LIPK: variants seen among roughly 807,000 people sequenced by gnomAD.
The protein encoded by LIPK is lipase member K.
A neutral mutation model predicts 48.6 loss-of-function variants in LIPK; 32 were observed. The observed-to-expected ratio is 0.66, with a 90% CI of 0.50 to 0.88. The LOEUF (loss-of-function observed/expected upper bound fraction) is 0.88, where lower values mean the gene tolerates loss of function less well. Ranked by LOEUF, LIPK falls within the 40% of genes least tolerant of loss-of-function variation. LIPK has a pLI of 0.00. For synonymous variants in LIPK, 164 were observed against 157.4 expected (o/e 1.04, Z -0.32); for missense variants, 507 against 478.5 (o/e 1.06, Z -0.56).
At chr10:88,750,862 G>A (rs979248936) in intron 9 of LIPK, among the ~76,000 whole-genome samples, 5 of 152,040 alleles carry the variant, frequency 3.3e-5, no homozygotes, top group Non-Finnish European at 5.9e-5. Context: ...TGGATTTAAA[G>A]TCTAGTCTTC....
chr10:88,747,523 A>G (rs1842786103), intron 9 of LIPK, among the ~76,000 whole-genome samples: 1 of 152,184 alleles, frequency 6.6e-6, no homozygotes, highest in African/African-American at 2.4e-5. Flanking sequence ...AAATCACAAG[A>G]TTATCTCAAT....
chr10:88,735,423 G>T (rs745630932), intron 6 of LIPK, among the ~76,000 whole-genome samples: 2 of 152,218 alleles, frequency 1.3e-5, no homozygotes, highest in African/African-American at 2.4e-5. Flanking sequence ...TAAGCAGCCT[G>T]TCCCGAGTCA....
chr10:88,727,013 C>A (rs1842357190), intron 3 of LIPK, 101 bp downstream of exon 3: 1 of 710,818 alleles, frequency 1.4e-6, no homozygotes, highest in East Asian at 2.7e-5. Flanking sequence ...TCTTAACAGT[C>A]CTTTCCATTA....
intron 9 of LIPK, among the ~76,000 whole-genome samples, chr10:88,750,475 A>C (rs1462112184): frequency 6.6e-6 from 1 of 152,186 alleles, no homozygotes; most frequent in Admixed American, 6.5e-5. Flanking sequence ...AGCTATTGAA[A>C]AGAATGAAAT....
chr10:88,708,999 G>A (rs1035024239), intron 1 of LIPK, among the ~76,000 whole-genome samples: 2 of 152,038 alleles, frequency 1.3e-5, no homozygotes, highest in African/African-American at 4.8e-5. Flanking sequence ...TTGTCCAAAG[G>A]ATCATAACAC....
At chr10:88,725,230 C>T (rs1842313137) in intron 2 of LIPK, among the ~76,000 whole-genome samples, 1 of 152,182 alleles carries the variant, frequency 6.6e-6, no homozygotes, top group African/African-American at 2.4e-5. Flanking sequence ...ATAAAAAGAA[C>T]GAAACTGCCA....
chr10:88,711,826 T>A (rs1464106856), intron 1 of LIPK, among the ~76,000 whole-genome samples: 3 of 152,056 alleles, frequency 2.0e-5, no homozygotes, highest in Non-Finnish European at 4.4e-5. Flanking sequence ...TTTAATAATT[T>A]TTTAATCTTT....
At chr10:88,722,774 C>T (rs879540481) in intron 1 of LIPK, among the ~76,000 whole-genome samples, 3 of 152,090 alleles carry the variant, frequency 2.0e-5, no homozygotes, top group African/African-American at 7.2e-5. Flanking sequence ...CCTCCATGAC[C>T]ATCTGTTTGA....
chr10:88,707,920 A>G (rs1240080754), intron 1 of LIPK, among the ~76,000 whole-genome samples: 1 of 152,200 alleles, frequency 6.6e-6, no homozygotes, highest in Non-Finnish European at 1.5e-5. Context: ...GGTTAAAAGT[A>G]TTAGAGCTTT....
chr10:88,732,543 G>A lies in LIPK; in HGVS notation c.661G>A (p.Val221Ile). The A allele has an allele frequency of 6.2e-7, 1 of 1,603,696 alleles. No individual in the cohort carries two copies. Among genetic ancestry groups the A allele is most frequent in the Non-Finnish European group, 8.5e-7 (1 of 1,177,314 alleles). ...AAAACTAACAACCCTTTCCAGGCGAGTAGTTAAGGTATGTGACTTCCCAAG... is the reference window on the plus strand; with the variant it reads ...AAAACTAACAACCCTTTCCAGGCGAATAGTTAAGGTATGTGACTTCCCAAG... Reference protein sequence around the residue: ...MKKLTTLSRRVVKVLFGDKMF... With the variant: ...MKKLTTLSRRIVKVLFGDKMF... Residue 221 changes from valine to isoleucine, a missense_variant, in exon 6 of 10, where the codon GTA (valine) becomes ATA (isoleucine). By Grantham distance (29) the Val-to-Ile change is conservative. Coordinates refer to ENST00000404190, the MANE Select transcript of LIPK (RefSeq NM_001080518.2).
intron 1 of LIPK, among the ~76,000 whole-genome samples, 142 bp downstream of exon 1, chr10:88,706,462 G>C (rs1354166515): frequency 6.6e-6 from 1 of 152,172 alleles, no homozygotes; most frequent in Non-Finnish European, 1.5e-5. Context: ...TACAGCAAGA[G>C]TATAATGTGA....
intron 8 of LIPK, among the ~76,000 whole-genome samples, chr10:88,741,928 A>G (rs1280979678): frequency 6.6e-6 from 1 of 152,198 alleles, no homozygotes; most frequent in Non-Finnish European, 1.5e-5. Context: ...ATTTATGAAG[A>G]CAAGTGTTTT....
intron 7 of LIPK, among the ~76,000 whole-genome samples, chr10:88,739,200 C>T (rs1023427902): frequency 6.6e-6 from 1 of 152,130 alleles, no homozygotes; most frequent in Non-Finnish European, 1.5e-5. Flanking sequence ...CACAAAATTT[C>T]AGAGTCCTGT....
intron 1 of LIPK, among the ~76,000 whole-genome samples, chr10:88,712,640 TC>T (rs1842046626): frequency 6.6e-6 from 1 of 152,200 alleles, no homozygotes; most frequent in Non-Finnish European, 1.5e-5. Flanking sequence ...CTGAGCCACT[TC>T]TCATTAACAC....
Position 88,731,064 on chromosome 10 carries a change from T to C in LIPK, c.305T>C (p.Leu102Ser). 6.2e-7 allele frequency: 1 copy of C among 1,603,852 alleles called. No individual in the cohort carries two copies. The highest frequency in any genetic ancestry group is 1.3e-5 in the African/African-American group (1 of 74,958). Reference sequence around the variant, plus strand: ...ATTTGCAACCTGCCCAACAACAGTTTGGCTTTCCTTCTGGCAGATAGTGGT... The same window carrying C: ...ATTTGCAACCTGCCCAACAACAGTTCGGCTTTCCTTCTGGCAGATAGTGGT... ...NWICNLPNNS[L>S]AFLLADSGYD... The change falls in exon 4 of 10, where the codon TTG (leucine) becomes TCG (serine). Residue 102 changes from leucine to serine, a missense_variant. Coordinates refer to ENST00000404190, the MANE Select transcript of LIPK (RefSeq NM_001080518.2).
At chr10:88,709,106 C>T (rs968157985) in intron 1 of LIPK, among the ~76,000 whole-genome samples, 1 of 152,048 alleles carries the variant, frequency 6.6e-6, no homozygotes, top group African/African-American at 2.4e-5. Flanking sequence ...CTTTTAAATT[C>T]TGCATCCATT....
intron 3 of LIPK, chr10:88,728,348 G>A: frequency 1.6e-5 from 3 of 191,364 alleles, no homozygotes; most frequent in Non-Finnish European, 3.3e-5. Context: ...CCACCAGGTC[G>A]AGTATGAGGT....
chr10:88,737,210 C>T (rs557398356), intron 6 of LIPK, among the ~76,000 whole-genome samples: 55 of 152,082 alleles, frequency 3.6e-4, no homozygotes, highest in Non-Finnish European at 6.9e-4. Context: ...CTAGGAACTG[C>T]ACTAATTGTC....
chr10:88,711,303 T>C (rs144741761), intron 1 of LIPK, among the ~76,000 whole-genome samples: 167 of 152,246 alleles, frequency 1.1e-3, no homozygotes, highest in African/African-American at 3.7e-3. Flanking sequence ...GCTATATATA[T>C]ATGTAGTGAA....
Sources: allele counts gnomAD v4.1 joint callset (sites outside exome capture counted in the v4.1 genomes callset), GRCh38; gene constraint gnomAD v4.1.1; transcripts MANE v1.5; gene names NCBI Gene and HGNC (gene_info 2026-07-23, HGNC 2026-07-21).